PHTF2: variants seen among roughly 807,000 people sequenced by gnomAD.
PHTF2 encodes the protein putative homeodomain transcription factor 2, also known as protein PHTF2.
Under a neutral mutation model 101.2 loss-of-function variants are expected in PHTF2, and 60 were observed. The observed-to-expected ratio is 0.59, with a 90% CI of 0.48 to 0.73. The LOEUF (loss-of-function observed/expected upper bound fraction) is 0.73, where lower values mean the gene tolerates loss of function less well. Among genes scored for constraint, PHTF2 ranks in the 30% least tolerant of loss-of-function variants. PHTF2 has a pLI of 0.00. For missense variants in PHTF2, 747 were observed against 908.7 expected, an observed-to-expected ratio of 0.82 and a Z score of 2.29; for synonymous variants, 311 against 307.3, an observed-to-expected ratio of 1.01 and a Z score of -0.13.
intron 15 of PHTF2, among the ~76,000 whole-genome samples, chr7:77,941,197 A>G (rs1008150812): frequency 3.3e-5 from 5 of 152,208 alleles, no homozygotes; most frequent in African/African-American, 1.2e-4. Context: ...TCATCCTCTG[A>G]CATACCTAGA....
In PHTF2 at chr7:77,922,215, C is replaced by CTT. The variant is rs1803544221; in HGVS notation, c.964-407_964-406insTT. On this transcript the variant is annotated intron_variant, in intron 10 of 19. Coordinates refer to ENST00000416283, the Ensembl canonical transcript of PHTF2. Reference sequence around the variant, plus strand: ...TTTTTTATTTTTATTTTTTAAGAGACTGAGTTTTGCTATGTTGCCCAGGCT... The same window carrying CTT: ...TTTTTTATTTTTATTTTTTAAGAGACTTTGAGTTTTGCTATGTTGCCCAGGCT... Among the ~76,000 whole-genome samples, 6 of 151,588 alleles carry CTT rather than the reference C, an allele frequency of 4.0e-5. No homozygotes were observed. The South Asian group carries it at 1.2e-3, about 32-fold the overall frequency.
intron 2 of PHTF2, among the ~76,000 whole-genome samples, chr7:77,854,527 C>A (rs1415390753): frequency 6.6e-6 from 1 of 152,082 alleles, no homozygotes; most frequent in African/African-American, 2.4e-5. Context: ...TTGCGTCCTT[C>A]CCTCCAGAGC....
chr7:77,873,184 C>T (rs1449050174), intron 3 of PHTF2, among the ~76,000 whole-genome samples: 1 of 150,756 alleles, frequency 6.6e-6, no homozygotes, highest in Non-Finnish European at 1.5e-5. Context: ...GCCTCAGTCT[C>T]CCATAGTGCT....
rs549931321 is a variant in PHTF2 at position 77,807,908 on chromosome 7, T to C, written c.-36+8937T>C. 5.7e-4 allele frequency among the ~76,000 whole-genome samples: 87 copies of C among 152,302 alleles called. No homozygotes were observed. In the Middle Eastern group the frequency reaches 0.01, roughly 18 times the overall value. ...TAAGATAAAGGTCCACCTTCATTTT[T>C]TGTTGTATCCCATTTTCCCAGTACC... is the stretch of plus-strand genomic sequence containing the variant. On this transcript the variant is annotated intron_variant, in intron 1 of 19. Transcript: ENST00000416283.
At position 77,838,634 on chromosome 7, in the gene PHTF2, G is replaced by A. The variant is rs76146353; in HGVS notation, c.-35-1587G>A. 1.3e-3 allele frequency among the ~76,000 whole-genome samples: 201 copies of A among 152,260 alleles called. 2 individuals are homozygous for A. Among genetic ancestry groups the A allele is most frequent in the African/African-American group, 4.6e-3 (190 of 41,554 alleles). On this transcript the variant is annotated intron_variant, in intron 1 of 19. Transcript: ENST00000416283. ...ATTGGTTACAAAGATCCTATAAGGGGTGGGGAGGTACAGTTATTTCTAGTT... is the reference window on the plus strand; with the variant it reads ...ATTGGTTACAAAGATCCTATAAGGGATGGGGAGGTACAGTTATTTCTAGTT...
chr7:77,948,935 T>C (rs1354797160), intron 16 of PHTF2, among the ~76,000 whole-genome samples: 1 of 152,210 alleles, frequency 6.6e-6, no homozygotes, highest in African/African-American at 2.4e-5. Context: ...AGATATTAAC[T>C]TCTGGAGAAA....
chr7:77,857,616 G>T (rs1259851566), intron 3 of PHTF2, among the ~76,000 whole-genome samples: 1 of 152,144 alleles, frequency 6.6e-6, no homozygotes, highest in Non-Finnish European at 1.5e-5. Flanking sequence ...GTAAAATATG[G>T]CTCAGATCAA....
chr7:77,894,058 A>C, intron 5 of PHTF2, 65 bp downstream of exon 4: 5 of 1,238,196 alleles, frequency 4.0e-6, no homozygotes, highest in Non-Finnish European at 6.0e-6. Flanking sequence ...CTTAATTGAG[A>C]TCTGCTTTTT....
intron 3 of PHTF2, among the ~76,000 whole-genome samples, chr7:77,867,356 G>C (rs987623410): frequency 6.6e-6 from 1 of 152,168 alleles, no homozygotes. Context: ...TTACTGGTGG[G>C]TAAGAGCACA....
At chr7:77,910,749 C>G (rs903639188) in intron 9 of PHTF2, among the ~76,000 whole-genome samples, 3 of 151,938 alleles carry the variant, frequency 2.0e-5, no homozygotes, top group African/African-American at 7.3e-5. Flanking sequence ...TCAAGTGATT[C>G]TCCTGCCTCA....
intron 1 of PHTF2, among the ~76,000 whole-genome samples, chr7:77,819,322 A>G (rs1794089863): frequency 6.6e-6 from 1 of 152,234 alleles, no homozygotes; most frequent in East Asian, 1.9e-4. Flanking sequence ...TAGTAGTCAG[A>G]GGAAACACTT....
intron 3 of PHTF2, among the ~76,000 whole-genome samples, chr7:77,879,366 G>T (rs1799216001): frequency 6.6e-6 from 1 of 152,056 alleles, no homozygotes; most frequent in South Asian, 2.1e-4. Flanking sequence ...CTTCTCATAT[G>T]GCCAACCCCT....
At chr7:77,837,941 G>T (rs185647899) in intron 1 of PHTF2, among the ~76,000 whole-genome samples, 2 of 152,060 alleles carry the variant, frequency 1.3e-5, no homozygotes, top group Non-Finnish European at 2.9e-5. Flanking sequence ...TTAGGAAAGA[G>T]GATCTTTATT....
chr7:77,944,073 G>A (rs1056273509), intron 16 of PHTF2, among the ~76,000 whole-genome samples: 7 of 152,016 alleles, frequency 4.6e-5, no homozygotes, highest in African/African-American at 1.4e-4. Flanking sequence ...TGTACATATT[G>A]TGTACATATC....
intron 1 of PHTF2, among the ~76,000 whole-genome samples, chr7:77,805,268 C>T (rs987057586): frequency 1.3e-5 from 2 of 152,134 alleles, no homozygotes; most frequent in Non-Finnish European, 2.9e-5. Context: ...GTGCTGTCCT[C>T]TCTCTCTTTC....
intron 2 of PHTF2, among the ~76,000 whole-genome samples, chr7:77,849,579 T>C (rs944153872): frequency 6.6e-6 from 1 of 152,352 alleles, no homozygotes; most frequent in Admixed American, 6.5e-5. Context: ...TCTAGGATTA[T>C]TTTTTCTATT....
At chr7:77,954,976 A>C in exon 20 of PHTF2, 2 of 605,106 alleles carry the variant, frequency 3.3e-6, no homozygotes, top group Non-Finnish European at 5.9e-6. Context: ...CAGGAGTCTC[A>C]GCTAGGGAGT....
At chr7:77,953,446 G>A (rs1343575035) in intron 18 of PHTF2, among the ~76,000 whole-genome samples, 1 of 152,072 alleles carries the variant, frequency 6.6e-6, no homozygotes, top group East Asian at 1.9e-4. Context: ...TCTACCGAAA[G>A]GTATTGTTCT....
At chr7:77,930,865 C>CAA (rs1379780509) in intron 12 of PHTF2, among the ~76,000 whole-genome samples, 3 of 152,070 alleles carry the variant, frequency 2.0e-5, no homozygotes, top group Admixed American at 2.0e-4. Context: ...AGCAAAATAT[C>CAA]AAGAATAGCA....
Sources: allele counts gnomAD v4.1 joint callset (sites outside exome capture counted in the v4.1 genomes callset), GRCh38; gene constraint gnomAD v4.1.1; transcripts MANE v1.5; gene names NCBI Gene and HGNC (gene_info 2026-07-23, HGNC 2026-07-21).